The following BCAS3 variants were observed in gnomAD, a reference collection of about 807,000 sequenced individuals.
The protein encoded by BCAS3 is BCAS3 microtubule associated cell migration factor, also known as BCAS4/BCAS3 fusion.
A neutral mutation model predicts 116.1 loss-of-function variants in BCAS3; 53 were observed. That is an observed-to-expected ratio of 0.46 (90% CI 0.37 to 0.57). The LOEUF (loss-of-function observed/expected upper bound fraction) is 0.57. Among genes scored for constraint, BCAS3 ranks in the 20% least tolerant of loss-of-function variants. The probability of loss-of-function intolerance (pLI) is 0.00; values close to 1 mark genes in which losing one functional copy is unlikely to be tolerated. For missense variants in BCAS3, 917 were observed against 1,165.4 expected, an observed-to-expected ratio of 0.79 and a Z score of 3.10; for synonymous variants, 391 against 408.2, an observed-to-expected ratio of 0.96 and a Z score of 0.51.
Position 61,214,618 on chromosome 17 carries a change from G to T in BCAS3, c.2425+130054G>T, listed in dbSNP as rs181043950. On this transcript the variant is annotated intron_variant, in intron 22 of 23. Coordinates refer to ENST00000407086, the MANE Select transcript of BCAS3 (RefSeq NM_017679.5). The surrounding 1 kb of genome is among the most constrained non-coding windows in gnomAD (Gnocchi z 4.4). ...AGGCAGAAGAACAGCATGAACCTGGGAGGCGGAGCTTGCAGTGAGCCGAGA... is the reference window on the plus strand; with the variant it reads ...AGGCAGAAGAACAGCATGAACCTGGTAGGCGGAGCTTGCAGTGAGCCGAGA... Among the ~76,000 whole-genome samples the T allele has an allele frequency of 9.7e-4, 148 of 152,032 alleles. 1 individual carries two copies. The highest frequency in any genetic ancestry group is 3.4e-3 in the African/African-American group (142 of 41,480).
In BCAS3 at chr17:60,719,698, A is replaced by T. The variant is rs561861823; in HGVS notation, c.321+10373A>T. On this transcript the variant is annotated intron_variant, in intron 5 of 23. Coordinates refer to ENST00000407086, the MANE Select transcript of BCAS3 (RefSeq NM_017679.5). Reference sequence around the variant, plus strand: ...AATCTTTTGGTAACATACATTCCAAAAGCTGTCTGTAATATTGATTTTGTG... The same window carrying T: ...AATCTTTTGGTAACATACATTCCAATAGCTGTCTGTAATATTGATTTTGTG... Among the ~76,000 whole-genome samples the T allele has an allele frequency of 3.3e-5, 5 of 152,330 alleles. No homozygotes were observed. The South Asian group carries it at 1.0e-3, about 32-fold the overall frequency.
rs1014329990 is a variant in BCAS3, at chr17:61,241,587, C to T, written c.2426-126740C>T. 7.9e-5 allele frequency among the ~76,000 whole-genome samples: 12 copies of T among 151,832 alleles called. No homozygotes were observed. The East Asian group carries it at 1.2e-3, about 15-fold the overall frequency. ...AAAAAAAATTAGCCGGCCGTGGTGGCGGGTGCCTGTAGTCCCAGCTACTCG... is the reference window on the plus strand; with the variant it reads ...AAAAAAAATTAGCCGGCCGTGGTGGTGGGTGCCTGTAGTCCCAGCTACTCG... On this transcript the variant is annotated intron_variant, in intron 22 of 23. Coordinates refer to ENST00000407086, the MANE Select transcript of BCAS3 (RefSeq NM_017679.5). The surrounding 1 kb of genome is among the most constrained non-coding windows in gnomAD (Gnocchi z 4.6).
rs566603065 is a variant in BCAS3 at position 61,124,162 on chromosome 17, T to C, written c.2425+39598T>C. Among the ~76,000 whole-genome samples the C allele has an allele frequency of 6.6e-6, 1 of 151,524 alleles. No homozygotes were observed. Among genetic ancestry groups the C allele is most frequent in the Non-Finnish European group, 1.5e-5 (1 of 68,010 alleles). Reference sequence around the variant, plus strand: ...GATCTCATTTCTTTTACTCATTTTGTGTTTGTTTATTTAACACCAATGGTT... The same window carrying C: ...GATCTCATTTCTTTTACTCATTTTGCGTTTGTTTATTTAACACCAATGGTT... On this transcript the variant is annotated intron_variant, in intron 22 of 23. Transcript: ENST00000407086. The surrounding 1 kb of genome is among the most constrained non-coding windows in gnomAD (Gnocchi z 4.6).
chr17:61,320,057 T>C (rs1398919816), intron 22 of BCAS3, among the ~76,000 whole-genome samples: 1 of 151,732 alleles, frequency 6.6e-6, no homozygotes, highest in Non-Finnish European at 1.5e-5. Flanking sequence ...ACCCAGCTAA[T>C]TTTTCTATTT....
intron 6 of BCAS3, among the ~76,000 whole-genome samples, chr17:60,762,642 A>G (rs1175721954): frequency 1.3e-5 from 2 of 152,166 alleles, no homozygotes; most frequent in Non-Finnish European, 2.9e-5. Context: ...TGATGCCTCC[A>G]GCTTTGTTCT....
rs1296870435 is a variant in BCAS3 at position 61,253,743 on chromosome 17, T to C, written c.2426-114584T>C. 2.0e-5 allele frequency among the ~76,000 whole-genome samples: 3 copies of C among 151,968 alleles called. No homozygotes were observed. The East Asian group carries it at 5.8e-4, about 29-fold the overall frequency. On this transcript the variant is annotated intron_variant, in intron 22 of 23. Transcript: ENST00000407086. ...ACAGAGGTGCAGAGGTGGATTTTAA[T>C]GTTATTGTTGTTTTTGCTTTGTTTT... is the stretch of plus-strand genomic sequence containing the variant.
At chr17:61,176,120 C>T (rs1186610064) in intron 22 of BCAS3, among the ~76,000 whole-genome samples, 1 of 98,368 alleles carries the variant, frequency 1.0e-5, no homozygotes, top group South Asian at 3.2e-4. Context: ...GCCTGGGAGA[C>T]AGAGCAAGAC....
Position 61,363,279 on chromosome 17 carries a change from G to A in BCAS3, c.2426-5048G>A, listed in dbSNP as rs1005080869. Among the ~76,000 whole-genome samples, 3 of 152,214 alleles carry A rather than the reference G, an allele frequency of 2.0e-5. No individual in the cohort carries two copies. Among genetic ancestry groups the A allele is most frequent in the Admixed American group, 2.0e-4 (3 of 15,278 alleles). On this transcript the variant is annotated intron_variant, in intron 22 of 23. Coordinates refer to ENST00000407086, the MANE Select transcript of BCAS3 (RefSeq NM_017679.5). This position sits in a 1 kb window ranked among gnomAD's most constrained non-coding sequence, Gnocchi z 4.9. Reference sequence around the variant, plus strand: ...TGCTTAGCTTTCATCAACTTCACCTGGAAAGATAGAGCACCTTTTATGCCG... The same window carrying A: ...TGCTTAGCTTTCATCAACTTCACCTAGAAAGATAGAGCACCTTTTATGCCG...
rs1438375174 is a variant in BCAS3, at chr17:61,213,728, C to T, written c.2425+129164C>T. Among the ~76,000 whole-genome samples, 2 of 152,112 alleles carry T rather than the reference C, an allele frequency of 1.3e-5. No homozygotes were observed. Among genetic ancestry groups the T allele is most frequent in the Non-Finnish European group, 2.9e-5 (2 of 68,032 alleles). On this transcript the variant is annotated intron_variant, in intron 22 of 23. Coordinates refer to ENST00000407086, the MANE Select transcript of BCAS3 (RefSeq NM_017679.5). The surrounding 1 kb of genome is among the most constrained non-coding windows in gnomAD (Gnocchi z 5.4). Reference sequence around the variant, plus strand: ...TACAGATGGATAGATGTACATTTAACTGCAGAGACTGGATTAGAACACACA... The same window carrying T: ...TACAGATGGATAGATGTACATTTAATTGCAGAGACTGGATTAGAACACACA...
chr17:60,903,224 A>G (rs544067556), intron 11 of BCAS3, among the ~76,000 whole-genome samples: 1 of 152,350 alleles, frequency 6.6e-6, no homozygotes, highest in South Asian at 2.1e-4. Context: ...AATAGGAATG[A>G]CAGAGTGAAT....
intron 22 of BCAS3, among the ~76,000 whole-genome samples, chr17:61,290,835 C>A (rs944957427): frequency 6.6e-6 from 1 of 152,108 alleles, no homozygotes; most frequent in African/African-American, 2.4e-5. Flanking sequence ...GGCTGGAGTG[C>A]AGTGGCGTGA....
rs979130305 is a variant in BCAS3, at chr17:60,841,547, T to C, written c.477-27029T>C. Among the ~76,000 whole-genome samples the C allele has an allele frequency of 9.7e-5, 6 of 62,094 alleles. No homozygotes were observed. In the African/African-American group the frequency reaches 1.3e-3, roughly 14 times the overall value. The allele number at this position is 62,094 out of a possible 152,430, so 40.7% of individuals were successfully genotyped here. ...GGTGCCCGCCACCACACCTGGCTAA[T>C]TTTTTTTTTTTTTTTTTTGTATTTT... On this transcript the variant is annotated intron_variant, in intron 7 of 23. Transcript: ENST00000407086.
At position 61,087,058 on chromosome 17, in the gene BCAS3, A is replaced by G; in HGVS notation, c.2425+2494A>G. 1 of 985,068 alleles carries G rather than the reference A, an allele frequency of 1.0e-6. No individual in the cohort carries two copies. The highest frequency in any genetic ancestry group is 1.2e-6 in the Non-Finnish European group (1 of 829,584). The allele number at this position is 985,068 out of a possible 1,614,324, so 61.0% of individuals were successfully genotyped here. On this transcript the variant is annotated intron_variant, in intron 22 of 23. Transcript: ENST00000407086. The surrounding 1 kb of genome is among the most constrained non-coding windows in gnomAD (Gnocchi z 4.6). ...CGAGGCTAAATAATTTGAGTTCTTT[A>G]TGTAAACATATTTATGGGAAAATTT...
intron 14 of BCAS3, among the ~76,000 whole-genome samples, chr17:60,987,642 G>A (rs902528907): frequency 2.6e-5 from 4 of 151,894 alleles, no homozygotes; most frequent in Non-Finnish European, 1.5e-5. Flanking sequence ...GTTCACATTT[G>A]GCATGTAGAA....
chr17:61,057,920 T>C, intron 19 of BCAS3, among the ~76,000 whole-genome samples: 1 of 152,130 alleles, frequency 6.6e-6, no homozygotes, highest in Admixed American at 6.5e-5. Context: ...ATACTTTGTT[T>C]TAAATTATAG....
At chr17:61,232,991 T>C (rs555413543) in intron 22 of BCAS3, among the ~76,000 whole-genome samples, 6 of 152,332 alleles carry the variant, frequency 3.9e-5, no homozygotes, top group Admixed American at 3.9e-4. Flanking sequence ...GATGGAACCA[T>C]GTGCCGAAGT....
intron 13 of BCAS3, among the ~76,000 whole-genome samples, chr17:60,942,016 A>C (rs1444718695): frequency 1.3e-5 from 2 of 152,168 alleles, no homozygotes; most frequent in Non-Finnish European, 2.9e-5. Context: ...AGGTGGAGTC[A>C]GAAGATAGTA....
In BCAS3 at chr17:61,140,779, T is replaced by C. The variant is rs1345419465; in HGVS notation, c.2425+56215T>C. Among the ~76,000 whole-genome samples, 3 of 152,216 alleles carry C rather than the reference T, an allele frequency of 2.0e-5. No individual in the cohort carries two copies. Among genetic ancestry groups the C allele is most frequent in the African/African-American group, 7.2e-5 (3 of 41,452 alleles). On this transcript the variant is annotated intron_variant, in intron 22 of 23. Transcript: ENST00000407086. This position sits in a 1 kb window ranked among gnomAD's most constrained non-coding sequence, Gnocchi z 4.2. ...GTTGTTACATAAAACTTTCATGTTC[T>C]TTTCCTTATGAAATGACTCTATGAC...
chr17:61,169,465 G>T (rs73993707), intron 22 of BCAS3, among the ~76,000 whole-genome samples: 1 of 152,030 alleles, frequency 6.6e-6, no homozygotes, highest in South Asian at 2.1e-4. Context: ...TTGAGATGGG[G>T]TTTTGCTATG....
Sources: allele counts gnomAD v4.1 joint callset (sites outside exome capture counted in the v4.1 genomes callset), GRCh38; gene constraint gnomAD v4.1.1; non-coding constraint Gnocchi (gnomAD v3.1); transcripts MANE v1.5; gene names NCBI Gene and HGNC (gene_info 2026-07-23, HGNC 2026-07-21).